Variants in RARB observed in about 807,000 individuals in gnomAD.
RARB encodes retinoic acid receptor beta.
Under a neutral mutation model 51.9 loss-of-function variants are expected in RARB, and 17 were observed. The observed-to-expected ratio is 0.33, with a 90% CI of 0.22 to 0.49. The LOEUF is 0.49. Among genes scored for constraint, RARB ranks in the 20% least tolerant of loss-of-function variants. RARB has a pLI of 0.99. For missense variants in RARB, 369 were observed against 550.8 expected (o/e 0.67, Z 3.30); for synonymous variants, 215 against 195.4 (o/e 1.10, Z -0.84).
chr3:25,444,117 G>C (rs993297431), intron 1 of RARB, among the ~76,000 whole-genome samples: 5 of 152,080 alleles, frequency 3.3e-5, no homozygotes, highest in Admixed American at 3.3e-4. Flanking sequence ...TGCTTAAAAT[G>C]AACCATGTCA....
At chr3:25,512,316 A>C (rs1697936320) in intron 3 of RARB, among the ~76,000 whole-genome samples, 1 of 152,156 alleles carries the variant, frequency 6.6e-6, no homozygotes, top group Admixed American at 6.5e-5. Flanking sequence ...CAAGAAGTAC[A>C]TGTCCTTGGG....
intron 3 of RARB, among the ~76,000 whole-genome samples, chr3:25,546,432 G>A (rs1344073984): frequency 5.3e-5 from 8 of 152,146 alleles, no homozygotes; most frequent in African/African-American, 1.9e-4. Flanking sequence ...TGGGGCCCTG[G>A]AGAGCAGGGA....
chr3:25,287,128 G>T (rs1335357702), intron 5 of RARB, among the ~76,000 whole-genome samples: 1 of 152,168 alleles, frequency 6.6e-6, no homozygotes, highest in Non-Finnish European at 1.5e-5. Context: ...AGTGATACAG[G>T]TTTTATAACT....
At chr3:25,267,099 C>A (rs762386583) in intron 5 of RARB, among the ~76,000 whole-genome samples, 1 of 152,180 alleles carries the variant, frequency 6.6e-6, no homozygotes, top group Non-Finnish European at 1.5e-5. Context: ...AAGAAAACTT[C>A]CCACAAGTGA....
At chr3:25,566,060 A>G (rs1376930086) in intron 3 of RARB, among the ~76,000 whole-genome samples, 1 of 152,114 alleles carries the variant, frequency 6.6e-6, no homozygotes, top group Non-Finnish European at 1.5e-5. Flanking sequence ...CCTCAAAGGG[A>G]CCAATAGTCC....
At chr3:25,038,737 CTTATGTT>C (rs942055523) in intron 2 of RARB, among the ~76,000 whole-genome samples, 1 of 152,020 alleles carries the variant, frequency 6.6e-6, no homozygotes, top group African/African-American at 2.4e-5. Context: ...TGAGACAGTT[CTTATGTT>C]TTAAGAACAA....
intron 2 of RARB, among the ~76,000 whole-genome samples, chr3:25,007,491 G>C (rs9849661): frequency 6.7e-6 from 1 of 150,290 alleles, no homozygotes; most frequent in African/African-American, 2.5e-5. Flanking sequence ...GCTGGGCATG[G>C]TGGTGGGCAC....
chr3:25,500,164 A>G (rs1000435681), intron 2 of RARB, among the ~76,000 whole-genome samples: 2 of 152,200 alleles, frequency 1.3e-5, no homozygotes, highest in Non-Finnish European at 2.9e-5. Context: ...CAGCATTTGA[A>G]ATGTAGCTAA....
At chr3:25,136,282 T>C (rs568640990) in intron 4 of RARB, among the ~76,000 whole-genome samples, 96 of 152,102 alleles carry the variant, frequency 6.3e-4, no homozygotes, top group African/African-American at 2.2e-3. Flanking sequence ...TTAATACTTA[T>C]AAAAAGCTAG....
At chr3:24,853,344 A>G (rs889869906) in intron 1 of RARB, among the ~76,000 whole-genome samples, 2 of 151,910 alleles carry the variant, frequency 1.3e-5, no homozygotes, top group Admixed American at 1.3e-4. Flanking sequence ...AAAATAATGA[A>G]CTGTATCTTT....
At chr3:25,406,948 C>A (rs1182271695) in intron 5 of RARB, among the ~76,000 whole-genome samples, 1 of 152,182 alleles carries the variant, frequency 6.6e-6, no homozygotes, top group Non-Finnish European at 1.5e-5. Flanking sequence ...TCTAAGTTAT[C>A]TTTGCTTCCT....
chr3:25,440,874 T>C (rs1200097436), intron 1 of RARB, among the ~76,000 whole-genome samples: 1 of 152,166 alleles, frequency 6.6e-6, no homozygotes. Context: ...TACTGAACCT[T>C]GTTCACTGAA....
At chr3:25,031,546 G>T (rs1188359781) in intron 2 of RARB, among the ~76,000 whole-genome samples, 1 of 152,170 alleles carries the variant, frequency 6.6e-6, no homozygotes, top group East Asian at 1.9e-4. Flanking sequence ...AACATAACGT[G>T]ACAAAGACAA....
At chr3:24,930,707 T>C (rs1033490679) in intron 2 of RARB, among the ~76,000 whole-genome samples, 7 of 152,088 alleles carry the variant, frequency 4.6e-5, no homozygotes, top group African/African-American at 1.7e-4. Flanking sequence ...ATATGCACCC[T>C]AATAAAAATG....
intron 5 of RARB, among the ~76,000 whole-genome samples, chr3:25,280,618 A>C (rs908454995): frequency 2.0e-5 from 3 of 152,176 alleles, no homozygotes; most frequent in Admixed American, 1.3e-4. Context: ...ACCCCCACAA[A>C]GATGGAGGGT....
At chr3:25,198,190 A>G (rs1017763989) in intron 5 of RARB, among the ~76,000 whole-genome samples, 4 of 152,142 alleles carry the variant, frequency 2.6e-5, no homozygotes, top group African/African-American at 7.2e-5. Flanking sequence ...AATCTCGTCA[A>G]TTAGTGGTCC....
At chr3:25,087,000 AT>A (rs754691490) in intron 3 of RARB, among the ~76,000 whole-genome samples, 7 of 152,118 alleles carry the variant, frequency 4.6e-5, no homozygotes, top group Non-Finnish European at 7.4e-5. Flanking sequence ...CAGAATGTTG[AT>A]TTTTCCCAAC....
intron 5 of RARB, among the ~76,000 whole-genome samples, chr3:25,328,210 G>A (rs747199783): frequency 2.0e-5 from 3 of 152,190 alleles, no homozygotes; most frequent in Admixed American, 6.5e-5. Context: ...CAGGATAAAC[G>A]GATGAGCGAT....
intron 2 of RARB, among the ~76,000 whole-genome samples, chr3:24,866,085 G>T (rs1702842459): frequency 6.6e-6 from 1 of 152,066 alleles, no homozygotes; most frequent in Non-Finnish European, 1.5e-5. Flanking sequence ...GTTAGCTGCG[G>T]ACACCAATCT....
Sources: gnomAD v4.1 joint callset for allele counts (sites outside exome capture counted in the v4.1 genomes callset) on GRCh38, gnomAD v4.1.1 for gene constraint, MANE v1.5 for transcripts, NCBI Gene and HGNC (gene_info 2026-07-23, HGNC 2026-07-21) for gene names.